CDK14: variants seen among roughly 807,000 people sequenced by gnomAD.
CDK14 encodes cyclin-dependent kinase 14.
A neutral mutation model predicts 60.7 loss-of-function variants in CDK14; 34 were observed. The ratio of observed to expected loss-of-function variants is 0.56; its 90% CI spans 0.43 to 0.75. The LOEUF (loss-of-function observed/expected upper bound fraction) is 0.75, where lower values mean the gene tolerates loss of function less well. Among genes scored for constraint, CDK14 ranks in the 30% least tolerant of loss-of-function variants. CDK14 has a pLI of 0.00. For missense variants in CDK14, 482 were observed against 564.1 expected, an observed-to-expected ratio of 0.85 and a Z score of 1.47; for synonymous variants, 197 against 203.7, an observed-to-expected ratio of 0.97 and a Z score of 0.28.
chr7:90,851,042 C>CA (rs765596246), intron 5 of CDK14, among the ~76,000 whole-genome samples: 6 of 151,530 alleles, frequency 4.0e-5, no homozygotes, highest in East Asian at 1.9e-4. Context: ...ATGACCACAG[C>CA]AAAAAAACTA....
At chr7:90,948,908 C>T (rs989022106) in intron 8 of CDK14, among the ~76,000 whole-genome samples, 1 of 151,748 alleles carries the variant, frequency 6.6e-6, no homozygotes, top group African/African-American at 2.4e-5. Context: ...TGCTAATGCT[C>T]TAAGAACAAC....
chr7:90,687,262 T>C (rs1227808388), intron 2 of CDK14, among the ~76,000 whole-genome samples: 1 of 152,112 alleles, frequency 6.6e-6, no homozygotes, highest in Non-Finnish European at 1.5e-5. Flanking sequence ...TCTTTTTTCT[T>C]AAACCTAAAA....
chr7:90,743,811 T>TA (rs1803452595), intron 3 of CDK14, among the ~76,000 whole-genome samples: 1 of 152,118 alleles, frequency 6.6e-6, no homozygotes, highest in Admixed American at 6.5e-5. Flanking sequence ...GGTATTATTT[T>TA]AAAAAATGCT....
At chr7:90,874,560 C>T (rs1405968482) in intron 6 of CDK14, among the ~76,000 whole-genome samples, 5 of 116,474 alleles carry the variant, frequency 4.3e-5, no homozygotes, top group Non-Finnish European at 8.1e-5. Context: ...CTCGCTCTGT[C>T]GCCCAGGCCG....
chr7:90,662,989 G>T (rs1427161737), intron 2 of CDK14, among the ~76,000 whole-genome samples: 1 of 152,172 alleles, frequency 6.6e-6, no homozygotes, highest in Admixed American at 6.5e-5. Flanking sequence ...AGGGGAAATG[G>T]ATGTGAAACC....
chr7:90,922,917 G>C (rs1584127553), intron 8 of CDK14, among the ~76,000 whole-genome samples: 1 of 151,824 alleles, frequency 6.6e-6, no homozygotes, highest in East Asian at 1.9e-4. Flanking sequence ...CTATATACCC[G>C]CTTCCCATAT....
chr7:90,982,900 G>C (rs1314064301), intron 9 of CDK14, among the ~76,000 whole-genome samples: 1 of 151,914 alleles, frequency 6.6e-6, no homozygotes, highest in Non-Finnish European at 1.5e-5. Flanking sequence ...ACATGAACAG[G>C]CATTTCTCAA....
At chr7:90,705,953 G>A (rs931820227) in intron 2 of CDK14, among the ~76,000 whole-genome samples, 9 of 151,912 alleles carry the variant, frequency 5.9e-5, no homozygotes, top group Non-Finnish European at 1.0e-4. Context: ...AAAAGTCAGG[G>A]AAGTGCATAC....
rs556209171 is a variant in CDK14 at position 91,043,558 on chromosome 7, A to C, written c.1042-2339A>C. Among the ~76,000 whole-genome samples, 10 of 152,342 alleles carry C rather than the reference A, an allele frequency of 6.6e-5. No individual in the cohort carries two copies. In the South Asian group the frequency reaches 2.1e-3, roughly 32 times the overall value. ...TGGAATTATTGAAAAGAAAGGGAGA[A>C]ATGCCTTTTGCAGACACTGTTATCA... On this transcript the variant is annotated intron_variant, in intron 10 of 14. Coordinates refer to ENST00000380050, the MANE Select transcript of CDK14 (RefSeq NM_001287135.2).
chr7:91,054,978 C>G (rs1220586092), intron 11 of CDK14, among the ~76,000 whole-genome samples: 1 of 152,108 alleles, frequency 6.6e-6, no homozygotes, highest in African/African-American at 2.4e-5. Flanking sequence ...CTACAGGCTA[C>G]AAAAAGTCAC....
intron 2 of CDK14, among the ~76,000 whole-genome samples, chr7:90,639,955 T>C (rs1800278464): frequency 6.6e-6 from 1 of 151,926 alleles, no homozygotes; most frequent in South Asian, 2.1e-4. Context: ...GATGCGCCGG[T>C]TTTTAAGCCC....
At chr7:90,746,121 AAT>A (rs1337750489) in intron 3 of CDK14, among the ~76,000 whole-genome samples, 1 of 152,074 alleles carries the variant, frequency 6.6e-6, no homozygotes, top group African/African-American at 2.4e-5. Context: ...TCTTTTATTT[AAT>A]AGTCTTCCCC....
intron 2 of CDK14, among the ~76,000 whole-genome samples, chr7:90,718,010 A>G (rs760431054): frequency 6.6e-6 from 1 of 152,096 alleles, no homozygotes; most frequent in African/African-American, 2.4e-5. Flanking sequence ...ATAATAACAT[A>G]TATTTCAGTA....
At chr7:91,115,964 G>A (rs1008329766) in intron 13 of CDK14, among the ~76,000 whole-genome samples, 5 of 152,130 alleles carry the variant, frequency 3.3e-5, no homozygotes, top group Non-Finnish European at 7.4e-5. Flanking sequence ...AAGAATAATG[G>A]TACAGTTATC....
At chr7:90,645,835 G>T (rs1800452833) in intron 2 of CDK14, among the ~76,000 whole-genome samples, 1 of 152,224 alleles carries the variant, frequency 6.6e-6, no homozygotes, top group Non-Finnish European at 1.5e-5. Flanking sequence ...CGTTGAAAAT[G>T]TGTTGTCCTA....
At chr7:90,771,988 A>G (rs1027396727) in intron 4 of CDK14, among the ~76,000 whole-genome samples, 8 of 152,250 alleles carry the variant, frequency 5.3e-5, no homozygotes, top group South Asian at 2.1e-4. Flanking sequence ...GAACATTCCA[A>G]TCAGGCTAAG....
At chr7:91,068,276 G>T (rs1419469392) in intron 11 of CDK14, among the ~76,000 whole-genome samples, 1 of 152,210 alleles carries the variant, frequency 6.6e-6, no homozygotes, top group African/African-American at 2.4e-5. Context: ...GCCTGTGTCT[G>T]TAGAACAATG....
intron 2 of CDK14, among the ~76,000 whole-genome samples, chr7:90,621,671 G>T (rs976673869): frequency 1.4e-3 from 172 of 125,750 alleles, no homozygotes; most frequent in African/African-American, 2.2e-3. Flanking sequence ...CTTCCTTCCT[G>T]CCTTCCTGCC....
chr7:91,101,791 A>G (rs1202214094), intron 12 of CDK14, among the ~76,000 whole-genome samples: 1 of 152,148 alleles, frequency 6.6e-6, no homozygotes, highest in Non-Finnish European at 1.5e-5. Context: ...AGATTCACTC[A>G]TGTTCTGCTT....
Sources: allele counts gnomAD v4.1 joint callset (sites outside exome capture counted in the v4.1 genomes callset), GRCh38; gene constraint gnomAD v4.1.1; transcripts MANE v1.5; gene names NCBI Gene and HGNC (gene_info 2026-07-23, HGNC 2026-07-21).